MEGF6: variants seen among roughly 807,000 people sequenced by gnomAD.
MEGF6 encodes multiple EGF like domains 6.
Under a neutral mutation model 207.1 loss-of-function variants are expected in MEGF6, and 184 were observed. The observed-to-expected ratio is 0.89, with a 90% confidence interval of 0.79 to 1.00. The LOEUF is 1.00. MEGF6 is among the 50% of genes least tolerant of loss of function. The pLI is 0.00. For missense variants in MEGF6, 2,282 were observed against 2,202.9 expected, an observed-to-expected ratio of 1.04 and a Z score of -0.72; for synonymous variants, 1,038 against 910.0, an observed-to-expected ratio of 1.14 and a Z score of -2.53.
At chr1:3,528,479 T>C (rs1035570780) in intron 4 of MEGF6, among the ~76,000 whole-genome samples, 1 of 152,196 alleles carries the variant, frequency 6.6e-6, no homozygotes, top group African/African-American at 2.4e-5. Flanking sequence ...CCCCCAGACA[T>C]GTCCACATCC....
chr1:3,604,346 G>A (rs1454048445), intron 1 of MEGF6, among the ~76,000 whole-genome samples: 7 of 152,298 alleles, frequency 4.6e-5, no homozygotes, highest in East Asian at 1.9e-4. Flanking sequence ...GGCAGGGCAC[G>A]AGGCAGGGCA....
At position 3,568,421 on chromosome 1, in the gene MEGF6, C is replaced by T. The variant is rs78949887; in HGVS notation, c.481+11404G>A. On this transcript the variant is annotated intron_variant, in intron 4 of 36. Coordinates refer to ENST00000356575, the MANE Select transcript of MEGF6 (RefSeq NM_001409.4). ...GGTCCTAGGCCCCTCATGGGGCCCACGGAGGCCACCCCTTTGGCTAGAGCA... is the reference window on the plus strand; with the variant it reads ...GGTCCTAGGCCCCTCATGGGGCCCATGGAGGCCACCCCTTTGGCTAGAGCA... 2.4e-4 allele frequency among the ~76,000 whole-genome samples: 37 copies of T among 152,154 alleles called. 1 individual carries two copies. The highest frequency in any genetic ancestry group is 7.7e-4 in the African/African-American group (32 of 41,476).
Position 3,494,687 on chromosome 1 carries a change from T to C in MEGF6, c.3926A>G (p.Asn1309Ser). Reference sequence around the variant, plus strand: ...GTTGCTGGCGTGGCACAGGCCCCCATTTCTGCAGGAGCAGGTGTGCTCGCA... The same window carrying C: ...GTTGCTGGCGTGGCACAGGCCCCCACTTCTGCAGGAGCAGGTGTGCTCGCA... ...VGCEHTCSCRNGGLCHASNGS... is the reference protein window; with the variant it reads ...VGCEHTCSCRSGGLCHASNGS... Residue 1309 changes from asparagine to serine, a missense_variant, in exon 31 of 37, where the codon AAT becomes AGT. Physicochemically the swap from Asn to Ser is conservative, Grantham distance 46. Transcript: ENST00000356575. 6.3e-7 allele frequency: 1 copy of C among 1,578,486 alleles called. No homozygotes were observed. Among genetic ancestry groups the C allele is most frequent in the Middle Eastern group, 1.9e-4 (1 of 5,190 alleles).
chr1:3,586,398 T>C (rs572103160), intron 3 of MEGF6, among the ~76,000 whole-genome samples: 12 of 152,294 alleles, frequency 7.9e-5, no homozygotes, highest in African/African-American at 2.6e-4. Context: ...CGTGTGTGTG[T>C]GCCAATCTGT....
chr1:3,616,303 TCA>T (rs1246183246), upstream of MEGF6, among the ~76,000 whole-genome samples: 25 of 152,326 alleles, frequency 1.6e-4, no homozygotes, highest in African/African-American at 5.8e-4. Context: ...TTCTGAATTT[TCA>T]CAGACATTTC....
Position 3,494,601 on chromosome 1 carries a change from C to T in MEGF6, c.4000+12G>A, listed in dbSNP as rs1464432710. The T allele has an allele frequency of 2.6e-6, 4 of 1,561,642 alleles. No individual in the cohort carries two copies. The highest frequency in any genetic ancestry group is 3.8e-5 in the Admixed American group (2 of 53,090). ...AGGGGATGCTGGGGTCCCGCTGGCC[C>T]CGCACACTCACCCAGCTCGCAGTGC... On this transcript the variant is annotated intron_variant, in intron 31 of 36. Transcript: ENST00000356575.
At chr1:3,614,039 G>A (rs777330969), upstream of MEGF6, among the ~76,000 whole-genome samples, 8 of 152,314 alleles carry the variant, frequency 5.3e-5, no homozygotes, top group South Asian at 4.1e-4. Flanking sequence ...GACACCTGCC[G>A]TGCCCTCCCA....
intron 1 of MEGF6, 143 bp downstream of exon 1, chr1:3,610,995 G>T: frequency 8.7e-7 from 1 of 1,144,892 alleles, no homozygotes; most frequent in Non-Finnish European, 1.2e-6. Flanking sequence ...CTGTGTCTCA[G>T]CCACCTCCTC....
chr1:3,579,520 C>T (rs984181849), intron 4 of MEGF6, among the ~76,000 whole-genome samples: 2 of 152,212 alleles, frequency 1.3e-5, no homozygotes, highest in African/African-American at 4.8e-5. Flanking sequence ...CCACCCCCTG[C>T]CTTTCTAGGG....
intron 17 of MEGF6, among the ~76,000 whole-genome samples, chr1:3,504,969 C>T (rs530341133): frequency 6.6e-6 from 1 of 152,280 alleles, no homozygotes; most frequent in Admixed American, 6.5e-5. Flanking sequence ...CCTGGGCAGA[C>T]AGCAGCTGCT....
chr1:3,570,601 C>T (rs1189338577), intron 4 of MEGF6, among the ~76,000 whole-genome samples: 1 of 152,202 alleles, frequency 6.6e-6, no homozygotes, highest in East Asian at 1.9e-4. Flanking sequence ...CGCCGGGGCA[C>T]ACCCGCTGCT....
Position 3,490,424 on chromosome 1 carries a change from T to C in MEGF6, c.*104A>G, listed in dbSNP as rs1371116814. On this transcript the variant is annotated 3_prime_UTR_variant, in exon 37 of 37. Coordinates refer to ENST00000356575, the MANE Select transcript of MEGF6 (RefSeq NM_001409.4). Reference sequence around the variant, plus strand: ...TCCACGGCCCTCAAAGGAAGGGCAGTACCAGGAGCTCTGGGCCCGTGAAGT... The same window carrying C: ...TCCACGGCCCTCAAAGGAAGGGCAGCACCAGGAGCTCTGGGCCCGTGAAGT... 13 of 1,285,064 alleles carry C rather than the reference T, an allele frequency of 1.0e-5. No individual in the cohort carries two copies. The highest frequency in any genetic ancestry group is 1.3e-5 in the Non-Finnish European group (12 of 911,402). 79.6% of individuals were successfully genotyped at this position (1,285,064 alleles called of 1,614,324 possible).
chr1:3,540,855 G>A (rs34673906), intron 4 of MEGF6, among the ~76,000 whole-genome samples: 3,972 of 152,290 alleles, frequency 0.026, 95 homozygotes, highest in South Asian at 0.058. Context: ...GAGTCCACTC[G>A]AACGCAGGAA....
chr1:3,570,809 G>A (rs1218077832), intron 4 of MEGF6, among the ~76,000 whole-genome samples: 1 of 152,194 alleles, frequency 6.6e-6, no homozygotes, highest in African/African-American at 2.4e-5. Context: ...CTGGTACCAG[G>A]CACAGAGCCT....
At chr1:3,497,485 G>C in intron 26 of MEGF6, 124 bp from the exon 27 acceptor site, 1 of 1,263,618 alleles carries the variant, frequency 7.9e-7, no homozygotes, top group African/African-American at 1.5e-5. Context: ...TGGGGGCTGT[G>C]CTCACCATTC....
rs746956560 is a variant in MEGF6 at position 3,496,783 on chromosome 1, C to CCTGCAGGGAGAGGGGCTAG, written c.3614-19_3614-1dup (p.Arg1205ProfsTer18). On this transcript the variant is annotated frameshift_variant and splice_region_variant. Transcript: ENST00000356575. LOFTEE classifies it high-confidence loss of function. ...TGGCCCATACCGCCCGGGCGGACAT[C>CCTGCAGGGAGAGGGGCTAG]CTGCAGGGAGAGGGGCTAGCTGCAG... The CCTGCAGGGAGAGGGGCTAG allele has an allele frequency of 1.3e-6, 2 of 1,555,624 alleles. No individual in the cohort carries two copies. The highest frequency in any genetic ancestry group is 4.8e-5 in the East Asian group (2 of 41,422).
intron 17 of MEGF6, among the ~76,000 whole-genome samples, chr1:3,503,393 T>A (rs1260629031): frequency 2.0e-5 from 3 of 152,128 alleles, no homozygotes; most frequent in African/African-American, 7.2e-5. Flanking sequence ...TTGATCTTTC[T>A]ATCAACACTC....
intron 4 of MEGF6, among the ~76,000 whole-genome samples, chr1:3,571,147 C>A (rs1396924577): frequency 6.6e-6 from 1 of 152,098 alleles, no homozygotes; most frequent in African/African-American, 2.4e-5. Context: ...GGCCATCCCA[C>A]AAGGAGGGGA....
intron 4 of MEGF6, among the ~76,000 whole-genome samples, chr1:3,567,057 G>C (rs1211058330): frequency 6.6e-6 from 1 of 152,248 alleles, no homozygotes; most frequent in Non-Finnish European, 1.5e-5. Flanking sequence ...CCCAGCGGCA[G>C]GTGCACTTGG....
Sources: allele counts gnomAD v4.1 joint callset (sites outside exome capture counted in the v4.1 genomes callset), GRCh38; gene constraint gnomAD v4.1.1; transcripts MANE v1.5; gene names NCBI Gene and HGNC (gene_info 2026-07-23, HGNC 2026-07-21).